Variants in HK2 observed in about 807,000 individuals in gnomAD.
The protein encoded by HK2 is hexokinase-2.
HK2 carries 42 observed loss-of-function variants against 92.9 expected under a neutral mutation model. That is an observed-to-expected ratio of 0.45 (90% CI 0.35 to 0.58). HK2 has a LOEUF of 0.58. Ranked by LOEUF, HK2 falls within the 20% of genes least tolerant of loss-of-function variation. The pLI, the probability that HK2 is intolerant of heterozygous loss-of-function variation, is 0.00. For synonymous variants in HK2, 422 were observed against 468.0 expected (o/e 0.90, Z 1.27); for missense variants, 978 against 1,245.1 (o/e 0.79, Z 3.23).
At chr2:74,839,618 A>G (rs1233547634) in intron 1 of HK2, among the ~76,000 whole-genome samples, 2 of 151,510 alleles carry the variant, frequency 1.3e-5, no homozygotes, top group East Asian at 1.9e-4. Context: ...TTTTTCCTCT[A>G]CCTTTGAATG....
intron 2 of HK2, among the ~76,000 whole-genome samples, chr2:74,863,555 G>A (rs1223199191): frequency 1.3e-5 from 2 of 152,246 alleles, no homozygotes; most frequent in Admixed American, 6.5e-5. Flanking sequence ...TGGCGATTCC[G>A]GGTACATGGA....
At position 74,885,783 on chromosome 2, in the gene HK2, C is replaced by T. The variant is rs1689512315; in HGVS notation, c.1935+194C>T. On this transcript the variant is annotated intron_variant, in intron 13 of 17. Coordinates refer to ENST00000290573, the MANE Select transcript of HK2 (RefSeq NM_000189.5). ...TCAGCACTGGCGGTTCAGGAGTGAC[C>T]ACAACAAAGCTTTGTTCTATAAAGT... is the stretch of plus-strand genomic sequence containing the variant. 2.6e-5 allele frequency among the ~76,000 whole-genome samples: 4 copies of T among 151,120 alleles called. No individual in the cohort carries two copies. In the South Asian group the frequency reaches 8.4e-4, roughly 32 times the overall value.
intron 12 of HK2, 133 bp downstream of exon 12, chr2:74,882,372 G>A: frequency 7.4e-7 from 1 of 1,358,632 alleles, no homozygotes; most frequent in Admixed American, 1.7e-5. Flanking sequence ...TAGTGGGGAG[G>A]GGCTCCTTGA....
intron 1 of HK2, among the ~76,000 whole-genome samples, chr2:74,853,262 ATCCCAGCACTTTG>A (rs1284766472): frequency 6.6e-6 from 1 of 152,086 alleles, no homozygotes; most frequent in African/African-American, 2.4e-5. Context: ...CGCTCCTTTA[ATCCCAGCACTTTG>A]GGAGGCCGAG....
chr2:74,844,042 C>T (rs1183618239), intron 1 of HK2, among the ~76,000 whole-genome samples: 1 of 152,168 alleles, frequency 6.6e-6, no homozygotes, highest in East Asian at 1.9e-4. Flanking sequence ...GAATCCAGAC[C>T]CAGGCAATGT....
rs1160910771 is a variant in HK2 at position 74,872,330 on chromosome 2, A to G, written c.406A>G (p.Asn136Asp). The G allele has an allele frequency of 6.2e-7, 1 of 1,613,888 alleles. No individual in the cohort carries two copies. The highest frequency in any genetic ancestry group is 8.5e-7 in the Non-Finnish European group (1 of 1,179,946). The change falls in exon 4 of 18, where the codon AAC (asparagine) becomes GAC (aspartate). Residue 136 changes from asparagine (N) to aspartate (D), a missense_variant. By Grantham distance (23) the Asn-to-Asp change is conservative. Coordinates refer to ENST00000290573, the MANE Select transcript of HK2 (RefSeq NM_000189.5). The part of the protein sequence containing the change: ...LFDHIAECLA[N>D]FMDKLQIKDK... The stretch of plus-strand genomic sequence containing the variant: ...TGACCACATTGCCGAATGCCTGGCT[A>G]ACTTCATGGATAAGCTACAAATCAA...
At chr2:74,865,982 T>C (rs1472551532) in intron 2 of HK2, among the ~76,000 whole-genome samples, 2 of 152,102 alleles carry the variant, frequency 1.3e-5, no homozygotes, top group Non-Finnish European at 2.9e-5. Flanking sequence ...CAGCTGAGGC[T>C]CAGAGGCTCA....
At chr2:74,866,288 G>A (rs896205591) in intron 2 of HK2, among the ~76,000 whole-genome samples, 5 of 152,130 alleles carry the variant, frequency 3.3e-5, no homozygotes, top group African/African-American at 9.7e-5. Flanking sequence ...GACCCATTCC[G>A]CTTCACTTCA....
chr2:74,867,703 G>A lies in HK2; in HGVS notation c.294G>A (p.Thr98=), dbSNP rs143863592. 1.9e-4 allele frequency: 301 copies of A among 1,614,090 alleles called. No homozygotes were observed. The highest frequency in any genetic ancestry group is 8.5e-4 in the Admixed American group (51 of 60,026). ...TCCGTGTGCTTTGGGTGAAAGTAAC[G>A]GACAATGGGCTCCAGAAGGTGGAGA... ...TNFRVLWVKV[T]DNGLQKVEME... is the part of the protein sequence containing the mutation. The change falls in exon 3 of 18, where the codon ACG becomes ACA. Residue 98 remains threonine, a synonymous_variant. Transcript: ENST00000290573.
At chr2:74,888,633 A>G (rs1053026928) in intron 16 of HK2, among the ~76,000 whole-genome samples, 6 of 152,226 alleles carry the variant, frequency 3.9e-5, no homozygotes, top group Non-Finnish European at 7.3e-5. Context: ...GAACTAGACA[A>G]CTGATGTGAG....
In HK2 at chr2:74,834,261, G is replaced by C; in HGVS notation, c.-320G>C. 1 of 454,806 alleles carries C rather than the reference G, an allele frequency of 2.2e-6. No homozygotes were observed. The highest frequency in any genetic ancestry group is 4.1e-6 in the Non-Finnish European group (1 of 244,274). The allele number at this position is 454,806 out of a possible 1,614,324, so 28.2% of individuals were successfully genotyped here. ...AGGTCCCACTGCCCGAGTGGAGCCGGGCTGAGATTCTTCTCAAGTTGAGCC... is the reference window on the plus strand; with the variant it reads ...AGGTCCCACTGCCCGAGTGGAGCCGCGCTGAGATTCTTCTCAAGTTGAGCC... On this transcript the variant is annotated 5_prime_UTR_variant, in exon 1 of 18. Coordinates refer to ENST00000290573, the MANE Select transcript of HK2 (RefSeq NM_000189.5). The surrounding 1 kb of genome is among the most constrained non-coding windows in gnomAD (Gnocchi z 4.2).
chr2:74,877,154 G>A lies in HK2; in HGVS notation c.876-12G>A. ...TGGGGACTTTATGTTTTTGGTTTGT[G>A]TCTTCCGGCAGGTTTGAGAAGATGA... On this transcript the variant is annotated splice_polypyrimidine_tract_variant and intron_variant, in intron 7 of 17. Transcript: ENST00000290573. 6.2e-7 allele frequency: 1 copy of A among 1,613,740 alleles called. No individual in the cohort carries two copies. Among genetic ancestry groups the A allele is most frequent in the Non-Finnish European group, 8.5e-7 (1 of 1,180,018 alleles).
At chr2:74,884,739 C>T (rs1004733964) in intron 12 of HK2, among the ~76,000 whole-genome samples, 5 of 152,202 alleles carry the variant, frequency 3.3e-5, no homozygotes, top group South Asian at 2.1e-4. Flanking sequence ...GTCTGAAGCC[C>T]TGAGGCTTGT....
chr2:74,863,883 G>T (rs976246457), intron 2 of HK2, among the ~76,000 whole-genome samples: 3 of 152,208 alleles, frequency 2.0e-5, no homozygotes, highest in African/African-American at 7.2e-5. Flanking sequence ...GAATGTGAAA[G>T]TATGCGTTTG....
In HK2 at chr2:74,885,556, G is replaced by A. The variant is rs774607615; in HGVS notation, c.1902G>A (p.Val634=). ...KASGCEGEDV[V]TLLKEAIHRR... ...CTGGCTGCGAGGGCGAGGACGTGGT[G>A]ACCCTGCTGAAGGAAGCGATCCACC... Residue 634 remains valine (V), a synonymous_variant, in exon 13 of 18, where the codon GTG becomes GTA. Transcript: ENST00000290573. 2 of 1,613,986 alleles carry A rather than the reference G, an allele frequency of 1.2e-6. No homozygotes were observed. Among genetic ancestry groups the A allele is most frequent in the Non-Finnish European group, 1.7e-6 (2 of 1,179,890 alleles).
At chr2:74,869,463 C>T (rs1414397917) in intron 3 of HK2, among the ~76,000 whole-genome samples, 4 of 152,128 alleles carry the variant, frequency 2.6e-5, no homozygotes, top group Admixed American at 2.6e-4. Flanking sequence ...TGGTTAAGAA[C>T]AAATCTTGGA....
Position 74,880,312 on chromosome 2 carries a change from G to A in HK2, c.1313G>A (p.Cys438Tyr), listed in dbSNP as rs1684209679. 2 of 1,614,090 alleles carry A rather than the reference G, an allele frequency of 1.2e-6. No individual in the cohort carries two copies. Among genetic ancestry groups the A allele is most frequent in the African/African-American group, 1.3e-5 (1 of 74,954 alleles). The part of the protein sequence containing the change: ...HKTVRRLVPG[C>Y]DVRFLRSEDG... ...ACCGTGCGGCGGCTGGTGCCCGGCT[G>A]CGATGTCCGCTTCCTCCGCTCCGAG... Residue 438 changes from cysteine to tyrosine, a missense_variant, in exon 10 of 18, where the codon TGC becomes TAC. By Grantham distance (194) the Cys-to-Tyr change is radical. Around this residue, in one of 3 missense-constraint regions of HK2, gnomAD observed 742 missense variants for 922.5 expected, o/e 0.80. Transcript: ENST00000290573.
At chr2:74,875,279 C>T (rs1689198745) in intron 7 of HK2, among the ~76,000 whole-genome samples, 1 of 151,024 alleles carries the variant, frequency 6.6e-6, no homozygotes, top group Admixed American at 6.6e-5. Context: ...AAAATTGAAC[C>T]CTATAAATCA....
intron 8 of HK2, among the ~76,000 whole-genome samples, chr2:74,878,438 T>TGC (rs1046099176): frequency 4.9e-5 from 7 of 143,318 alleles, no homozygotes; most frequent in Admixed American, 2.0e-4. Flanking sequence ...TGTGTGTGTG[T>TGC]GCGCACGCAC....
Sources: gnomAD v4.1 joint callset for allele counts (sites outside exome capture counted in the v4.1 genomes callset) on GRCh38, gnomAD v4.1.1 for gene constraint, gnomAD v4.1.1 regional missense constraint, Gnocchi (gnomAD v3.1) non-coding constraint, MANE v1.5 for transcripts, NCBI Gene and HGNC (gene_info 2026-07-23, HGNC 2026-07-21) for gene names.